SH3RF1: variants seen among roughly 807,000 people sequenced by gnomAD.
SH3RF1 encodes E3 ubiquitin-protein ligase SH3RF1.
In SH3RF1, 32 loss-of-function variants were observed where a neutral mutation model predicts 74.0. The ratio of observed to expected loss-of-function variants is 0.43; its 90% CI spans 0.33 to 0.58. SH3RF1 has a LOEUF of 0.58. SH3RF1 is among the 20% of genes least tolerant of loss of function. The pLI is 0.05. For missense variants in SH3RF1, 954 were observed against 1,130.9 expected, an observed-to-expected ratio of 0.84 and a Z score of 2.24; for synonymous variants, 396 against 439.6, an observed-to-expected ratio of 0.90 and a Z score of 1.24.
intron 11 of SH3RF1, among the ~76,000 whole-genome samples, chr4:169,099,791 C>T (rs935922656): frequency 1.6e-4 from 25 of 152,156 alleles, no homozygotes; most frequent in African/African-American, 5.6e-4. Flanking sequence ...CATACTCTTC[C>T]TGCCAAGTTC....
intron 10 of SH3RF1, among the ~76,000 whole-genome samples, chr4:169,113,493 C>T (rs751098772): frequency 1.6e-4 from 24 of 152,098 alleles, no homozygotes; most frequent in Non-Finnish European, 2.2e-4. Context: ...GATTTATGAA[C>T]ATTTAGAAAG....
intron 4 of SH3RF1, among the ~76,000 whole-genome samples, chr4:169,141,742 A>T (rs1733789897): frequency 6.7e-6 from 1 of 148,270 alleles, no homozygotes; most frequent in South Asian, 2.1e-4. Context: ...GATTCAAGTG[A>T]TTCTCCTGCC....
intron 2 of SH3RF1, among the ~76,000 whole-genome samples, chr4:169,202,747 C>T (rs1398443216): frequency 6.6e-6 from 1 of 152,130 alleles, no homozygotes; most frequent in Non-Finnish European, 1.5e-5. Context: ...AAAAGAAAAC[C>T]TAACCCCTTT....
chr4:169,189,870 C>G (rs1326951701), intron 2 of SH3RF1, among the ~76,000 whole-genome samples: 1 of 152,146 alleles, frequency 6.6e-6, no homozygotes, highest in Non-Finnish European at 1.5e-5. Flanking sequence ...GAAATTATAT[C>G]AAGCACTCTC....
intron 2 of SH3RF1, chr4:169,217,226 A>C (rs1295348129): frequency 6.6e-6 from 1 of 152,144 alleles, no homozygotes; most frequent in African/African-American, 2.4e-5. Context: ...ATATAGTCAG[A>C]CAAGGCTTGG....
At chr4:169,243,004 T>G (rs1730937615) in intron 2 of SH3RF1, among the ~76,000 whole-genome samples, 1 of 152,238 alleles carries the variant, frequency 6.6e-6, no homozygotes, top group Non-Finnish European at 1.5e-5. Flanking sequence ...TGGACCAGAC[T>G]TTGAGAAACA....
At chr4:169,257,951 C>T (rs527653086) in intron 2 of SH3RF1, among the ~76,000 whole-genome samples, 1 of 152,320 alleles carries the variant, frequency 6.6e-6, no homozygotes, top group South Asian at 2.1e-4. Context: ...AGGCAGATTA[C>T]TGGTGTCAAT....
At chr4:169,221,116 CACA>C (rs1281848179) in intron 2 of SH3RF1, among the ~76,000 whole-genome samples, 2 of 152,196 alleles carry the variant, frequency 1.3e-5, no homozygotes, top group Non-Finnish European at 2.9e-5. Flanking sequence ...GATTTGCTGA[CACA>C]ACATCATTCT....
chr4:169,173,765 T>G (rs946972876), intron 2 of SH3RF1, among the ~76,000 whole-genome samples: 1 of 152,142 alleles, frequency 6.6e-6, no homozygotes, highest in Non-Finnish European at 1.5e-5. Context: ...TTTTTTTTAA[T>G]AAGCTACTTT....
intron 8 of SH3RF1, among the ~76,000 whole-genome samples, chr4:169,118,685 G>A (rs1162495891): frequency 6.6e-6 from 1 of 152,100 alleles, no homozygotes. Flanking sequence ...TCGAACTCCT[G>A]ACCTCAGGTG....
At chr4:169,108,244 TGTAGGC>T (rs1486839966) in intron 10 of SH3RF1, among the ~76,000 whole-genome samples, 1 of 152,242 alleles carries the variant, frequency 6.6e-6, no homozygotes, top group Non-Finnish European at 1.5e-5. Flanking sequence ...TAGAAAATTC[TGTAGGC>T]AAATTGGAAT....
At position 169,136,576 on chromosome 4, in the gene SH3RF1, A is replaced by T. The variant is rs1733705877; in HGVS notation, c.810T>A (p.Pro270=). The T allele has an allele frequency of 6.3e-7, 1 of 1,591,642 alleles. No homozygotes were observed. Among genetic ancestry groups the T allele is most frequent in the Admixed American group, 1.8e-5 (1 of 55,534 alleles). ...ATTCTCCAGCATCAACTCCTGGCAC[A>T]GGAGGCTTATCCCATTCTATCAGCT... is the stretch of plus-strand genomic sequence containing the variant. ...AKQLIEWDKP[P]VPGVDAGECS... Residue 270 remains proline, a synonymous_variant, in exon 5 of 12, where the codon CCT becomes CCA. Transcript: ENST00000284637.
At chr4:169,136,720 A>T in intron 4 of SH3RF1, 100 bp from the exon 5 acceptor site, 1 of 1,293,784 alleles carries the variant, frequency 7.7e-7, no homozygotes, top group Non-Finnish European at 1.0e-6. Flanking sequence ...ATTTAAAGTC[A>T]CTACTTTAAA....
intron 5 of SH3RF1, among the ~76,000 whole-genome samples, chr4:169,131,089 G>T (rs1733611564): frequency 6.6e-6 from 1 of 152,210 alleles, no homozygotes; most frequent in African/African-American, 2.4e-5. Context: ...TTGAAAGAAA[G>T]ATTGTCAGGA....
At chr4:169,191,798 C>A (rs560403886) in intron 2 of SH3RF1, among the ~76,000 whole-genome samples, 2 of 152,154 alleles carry the variant, frequency 1.3e-5, no homozygotes, top group South Asian at 4.2e-4. Context: ...GGGAGAAAAG[C>A]CTTTTTCAAC....
At chr4:169,139,738 T>A (rs923244739) in intron 4 of SH3RF1, among the ~76,000 whole-genome samples, 93 of 152,200 alleles carry the variant, frequency 6.1e-4, no homozygotes, top group Non-Finnish European at 1.8e-4. Context: ...AGACACATCC[T>A]GGAGTGGTGT....
intron 2 of SH3RF1, among the ~76,000 whole-genome samples, chr4:169,216,048 C>A (rs1730456945): frequency 6.6e-6 from 1 of 152,112 alleles, no homozygotes; most frequent in African/African-American, 2.4e-5. Flanking sequence ...AAGAGATCTG[C>A]CCACCTTGGC....
chr4:169,095,195 G>A lies in SH3RF1; in HGVS notation c.*1324C>T, dbSNP rs955107066. ...CCACAGTCACAGGAGTAGTCTCCTG[G>A]TTAACTCATCCTTGATGTCTGTCTG... On this transcript the variant is annotated 3_prime_UTR_variant, in exon 12 of 12. Coordinates refer to ENST00000284637, the MANE Select transcript of SH3RF1 (RefSeq NM_020870.4). 2 of 152,620 alleles carry A rather than the reference G, an allele frequency of 1.3e-5. No individual in the cohort carries two copies. The highest frequency in any genetic ancestry group is 6.5e-5 in the Admixed American group (1 of 15,282). The allele number at this position is 152,620 out of a possible 1,614,324, so 9.5% of individuals were successfully genotyped here. A position where few individuals can be genotyped will look rare whatever the true frequency, so the allele number is the denominator to read the frequency against.
chr4:169,113,632 G>A (rs906566852), intron 10 of SH3RF1, among the ~76,000 whole-genome samples: 2 of 152,156 alleles, frequency 1.3e-5, no homozygotes, highest in African/African-American at 4.8e-5. Context: ...GGCATCTGGT[G>A]AGTTCTCCCA....
Sources: allele counts gnomAD v4.1 joint callset (sites outside exome capture counted in the v4.1 genomes callset), GRCh38; gene constraint gnomAD v4.1.1; transcripts MANE v1.5; gene names NCBI Gene and HGNC (gene_info 2026-07-23, HGNC 2026-07-21).